Variants in DCTN5 observed in about 807,000 individuals in gnomAD.
DCTN5 encodes the protein dynactin subunit 5.
DCTN5 carries 14 observed loss-of-function variants against 23.5 expected under a neutral mutation model. That is an observed-to-expected ratio of 0.60 (90% CI 0.39 to 0.93). The LOEUF is 0.93. DCTN5 is among the 40% of genes least tolerant of loss of function. The pLI is 0.00. For missense variants in DCTN5, 156 were observed against 225.9 expected (o/e 0.69, Z 1.98); for synonymous variants, 67 against 79.6 (o/e 0.84, Z 0.84).
Position 23,669,563 on chromosome 16 carries a change from G to A in DCTN5, c.*2419G>A, listed in dbSNP as rs1198337003. On this transcript the variant is annotated 3_prime_UTR_variant, in exon 6 of 6. Coordinates refer to ENST00000300087, the MANE Select transcript of DCTN5 (RefSeq NM_032486.4). Reference sequence around the variant, plus strand: ...GGCCTGGCATGTACCCACAGAGACTGAGAGTTGGTGCTGGTGGTTGTGGTG... The same window carrying A: ...GGCCTGGCATGTACCCACAGAGACTAAGAGTTGGTGCTGGTGGTTGTGGTG... 1 of 152,844 alleles carries A rather than the reference G, an allele frequency of 6.5e-6. No individual in the cohort carries two copies. The highest frequency in any genetic ancestry group is 1.9e-4 in the East Asian group (1 of 5,220). The allele number at this position is 152,844 out of a possible 1,614,324, so 9.5% of individuals were successfully genotyped here. A position where few individuals can be genotyped will look rare whatever the true frequency, so the allele number is the denominator to read the frequency against.
intron 2 of DCTN5, among the ~76,000 whole-genome samples, chr16:23,658,242 C>T (rs889953575): frequency 6.6e-6 from 1 of 152,216 alleles, no homozygotes; most frequent in Admixed American, 6.5e-5. Flanking sequence ...TATAGGTGTT[C>T]TCACTAAGTG....
chr16:23,644,175 C>G lies in DCTN5; in HGVS notation c.117+1152C>G, dbSNP rs369216212. On this transcript the variant is annotated intron_variant, in intron 2 of 5. Coordinates refer to ENST00000300087, the MANE Select transcript of DCTN5 (RefSeq NM_032486.4). ...CAGAGTATTGCTCTGTCACCCAGGTCGGAGTACAGTGGCGCGATCTTGGCT... is the reference window on the plus strand; with the variant it reads ...CAGAGTATTGCTCTGTCACCCAGGTGGGAGTACAGTGGCGCGATCTTGGCT... Among the ~76,000 whole-genome samples, 5 of 151,814 alleles carry G rather than the reference C, an allele frequency of 3.3e-5. No individual in the cohort carries two copies. The South Asian group carries it at 6.2e-4, about 19-fold the overall frequency.
At chr16:23,666,125 C>T (rs778631970) in intron 5 of DCTN5, 5 of 169,772 alleles carry the variant, frequency 2.9e-5, no homozygotes, top group South Asian at 1.5e-4. Context: ...AAGGAAAAGT[C>T]GATGTAAAAC....
At chr16:23,647,688 A>G (rs1039248195) in intron 2 of DCTN5, among the ~76,000 whole-genome samples, 12 of 149,544 alleles carry the variant, frequency 8.0e-5, no homozygotes, top group South Asian at 2.1e-4. Flanking sequence ...TTGTATTTTT[A>G]GTAGAGACGG....
rs1299454808 is a variant in DCTN5, at chr16:23,645,114, TATATATATATATATA to T, written c.117+2092_117+2106del. On this transcript the variant is annotated intron_variant, in intron 2 of 5. Coordinates refer to ENST00000300087, the MANE Select transcript of DCTN5 (RefSeq NM_032486.4). ...ATATATATATATATATATATATATA[TATATATATATATATA>T]TATATATATTTTTTTTTTTTTTAAT... 1.8e-3 allele frequency among the ~76,000 whole-genome samples: 73 copies of T among 40,708 alleles called. 3 individuals are homozygous for T. Among genetic ancestry groups the T allele is most frequent in the Non-Finnish European group, 2.7e-3 (58 of 21,770 alleles). 26.7% of individuals were successfully genotyped at this position (40,708 alleles called of 152,430 possible). A position where few individuals can be genotyped will look rare whatever the true frequency, so the allele number is the denominator to read the frequency against.
At position 23,667,534 on chromosome 16, in the gene DCTN5, C is replaced by G. The variant is rs1318056078; in HGVS notation, c.*390C>G. 1 of 186,110 alleles carries G rather than the reference C, an allele frequency of 5.4e-6. No individual in the cohort carries two copies. The allele number at this position is 186,110 out of a possible 1,614,324, so 11.5% of individuals were successfully genotyped here. Reference sequence around the variant, plus strand: ...GAGGCTATGTAGCTGGTGCGCTGCTCACGGCCATTCACTGCCCATGCTGAG... The same window carrying G: ...GAGGCTATGTAGCTGGTGCGCTGCTGACGGCCATTCACTGCCCATGCTGAG... On this transcript the variant is annotated 3_prime_UTR_variant, in exon 6 of 6. Transcript: ENST00000300087.
At chr16:23,650,870 G>A (rs1471817171) in intron 2 of DCTN5, 1 of 1,421,872 alleles carries the variant, frequency 7.0e-7, no homozygotes, top group Middle Eastern at 1.7e-4. Flanking sequence ...AGAGTGGTGG[G>A]GCCTGGTGAA....
At chr16:23,648,341 T>C (rs2140974665) in intron 2 of DCTN5, among the ~76,000 whole-genome samples, 1 of 148,390 alleles carries the variant, frequency 6.7e-6, no homozygotes, top group African/African-American at 2.5e-5. Context: ...TTTTTTCTTT[T>C]TTCTTTTTTT....
chr16:23,667,255 C>T lies in DCTN5; in HGVS notation c.*111C>T. On this transcript the variant is annotated 3_prime_UTR_variant, in exon 6 of 6. Coordinates refer to ENST00000300087, the MANE Select transcript of DCTN5 (RefSeq NM_032486.4). ...TTGTGTCTTTGACATCTACCACCCT[C>T]CTCCTTTTAAAAAATTTCTTTAGAA... The T allele has an allele frequency of 7.3e-7, 1 of 1,362,076 alleles. No homozygotes were observed. Among genetic ancestry groups the T allele is most frequent in the Non-Finnish European group, 1.0e-6 (1 of 997,756 alleles). 84.4% of individuals were successfully genotyped at this position (1,362,076 alleles called of 1,614,324 possible). A position where few individuals can be genotyped will look rare whatever the true frequency, so the allele number is the denominator to read the frequency against.
rs1158764763 is a variant in DCTN5 at position 23,665,925 on chromosome 16, C to T, written c.451+197C>T. On this transcript the variant is annotated intron_variant, in intron 5 of 5. Transcript: ENST00000300087. ...TGTTTAAATGCATAATTGGGTTCAC[C>T]AGAAAATAAGGAAATTATGAAGGGC... The T allele has an allele frequency of 8.7e-6, 5 of 571,826 alleles. No homozygotes were observed. The Admixed American group carries it at 1.7e-4, about 19-fold the overall frequency. 35.4% of individuals were successfully genotyped at this position (571,826 alleles called of 1,614,324 possible). A position where few individuals can be genotyped will look rare whatever the true frequency, so the allele number is the denominator to read the frequency against.
rs1159330864 is a variant in DCTN5, at chr16:23,674,327, C to G, written c.*7183C>G. On this transcript the variant is annotated 3_prime_UTR_variant, in exon 6 of 6. Transcript: ENST00000300087. The stretch of plus-strand genomic sequence containing the variant: ...AATGGGACCATCTAAGATCAAGCTG[C>G]TGATAGGCTCTTTGTCTCTAATACA... 6.6e-6 allele frequency: 1 copy of G among 152,214 alleles called. No homozygotes were observed. Among genetic ancestry groups the G allele is most frequent in the Non-Finnish European group, 1.5e-5 (1 of 68,046 alleles). 9.4% of individuals were successfully genotyped at this position (152,214 alleles called of 1,614,324 possible).
intron 2 of DCTN5, among the ~76,000 whole-genome samples, chr16:23,645,112 T>TATAC (rs1967412067): frequency 2.5e-5 from 1 of 39,834 alleles, no homozygotes; most frequent in South Asian, 7.8e-4. Flanking sequence ...TATATATATA[T>TATAC]ATATATATAT....
In DCTN5 at chr16:23,665,623, CA is replaced by C; in HGVS notation, c.349-2del. 11 of 1,609,818 alleles carry C rather than the reference CA, an allele frequency of 6.8e-6. No homozygotes were observed. Among genetic ancestry groups the C allele is most frequent in the Non-Finnish European group, 8.5e-6 (10 of 1,178,986 alleles). On this transcript the variant is annotated splice_acceptor_variant, in intron 4 of 5. Coordinates refer to ENST00000300087, the MANE Select transcript of DCTN5 (RefSeq NM_032486.4). LOFTEE classifies it high-confidence loss of function. Reference sequence around the variant, plus strand: ...TTTCCTATTAACAAGATTTTAATTTCAGGGGCGCCGATGTGTGTTGAAAGAC... The same window carrying C: ...TTTCCTATTAACAAGATTTTAATTTCGGGGCGCCGATGTGTGTTGAAAGAC...
At chr16:23,659,459 C>T (rs1156627605) in intron 3 of DCTN5, among the ~76,000 whole-genome samples, 1 of 152,164 alleles carries the variant, frequency 6.6e-6, no homozygotes, top group Non-Finnish European at 1.5e-5. Flanking sequence ...CTTCCTCATG[C>T]CTGCAGCTGG....
At position 23,673,165 on chromosome 16, in the gene DCTN5, A is replaced by T. The variant is rs1968038645; in HGVS notation, c.*6021A>T. 6.6e-6 allele frequency: 1 copy of T among 151,906 alleles called. No homozygotes were observed. Among genetic ancestry groups the T allele is most frequent in the South Asian group, 2.1e-4 (1 of 4,830 alleles). The allele number at this position is 151,906 out of a possible 1,614,324, so 9.4% of individuals were successfully genotyped here. A position where few individuals can be genotyped will look rare whatever the true frequency, so the allele number is the denominator to read the frequency against. ...AAAAACCACAACAACAACAACAAAA[A>T]TTCCATGTTGACAAGGATGGGAATA... On this transcript the variant is annotated 3_prime_UTR_variant, in exon 6 of 6. Coordinates refer to ENST00000300087, the MANE Select transcript of DCTN5 (RefSeq NM_032486.4).
intron 1 of DCTN5, 171 bp from the exon 2 acceptor site, chr16:23,642,784 G>A (rs1967324593): frequency 1.6e-6 from 1 of 611,958 alleles, no homozygotes; most frequent in Non-Finnish European, 2.9e-6. Flanking sequence ...ACCATACTCA[G>A]CCATAGTTTC....
At chr16:23,657,254 A>G (rs1369568767) in intron 2 of DCTN5, among the ~76,000 whole-genome samples, 1 of 152,170 alleles carries the variant, frequency 6.6e-6, no homozygotes, top group East Asian at 1.9e-4. Context: ...CTAGGGGTTC[A>G]AGACCAGCGT....
At chr16:23,650,083 T>C (rs1287073822) in intron 2 of DCTN5, among the ~76,000 whole-genome samples, 4 of 152,206 alleles carry the variant, frequency 2.6e-5, no homozygotes. Flanking sequence ...GCCAGTATTA[T>C]GCTATTTTGA....
Position 23,669,342 on chromosome 16 carries a change from C to G in DCTN5, c.*2198C>G, listed in dbSNP as rs1230125295. The G allele has an allele frequency of 6.6e-6, 1 of 152,258 alleles. No individual in the cohort carries two copies. The highest frequency in any genetic ancestry group is 2.4e-5 in the African/African-American group (1 of 41,450). The allele number at this position is 152,258 out of a possible 1,614,324, so 9.4% of individuals were successfully genotyped here. A position where few individuals can be genotyped will look rare whatever the true frequency, so the allele number is the denominator to read the frequency against. On this transcript the variant is annotated 3_prime_UTR_variant, in exon 6 of 6. Transcript: ENST00000300087. ...TCCAAACAGGGATCTGTCTCTTTGG[C>G]TCTCAGCTCTGCTTTCATTTGAGTT...
Sources: allele counts gnomAD v4.1 joint callset (sites outside exome capture counted in the v4.1 genomes callset), GRCh38; gene constraint gnomAD v4.1.1; transcripts MANE v1.5; gene names NCBI Gene and HGNC (gene_info 2026-07-23, HGNC 2026-07-21).